Variants in FGF1 observed in about 807,000 individuals in gnomAD.
FGF1 encodes the protein fibroblast growth factor 1.
In FGF1, 9 loss-of-function variants were observed where a neutral mutation model predicts 13.4. That is an observed-to-expected ratio of 0.67 (90% CI 0.40 to 1.17). The LOEUF (loss-of-function observed/expected upper bound fraction) is 1.17, where lower values mean the gene tolerates loss of function less well. Ranked by LOEUF, FGF1 falls within the 50% of genes most tolerant of loss-of-function variation. FGF1 has a pLI of 0.01. For missense variants in FGF1, 156 were observed against 192.7 expected (o/e 0.81, Z 1.13); for synonymous variants, 93 against 79.0 (o/e 1.18, Z -0.94).
intron 1 of FGF1, 30 bp from the exon 2 acceptor site, chr5:142,614,191 G>A (rs550065329): frequency 2.9e-5 from 45 of 1,571,612 alleles, no homozygotes; most frequent in African/African-American, 4.1e-5. Flanking sequence ...CCTGTAGTCG[G>A]TTCTTCCAGC....
chr5:142,595,027 A>C lies in FGF1; in HGVS notation c.*263T>G. On this transcript the variant is annotated 3_prime_UTR_variant, in exon 4 of 4. Transcript: ENST00000337706. ...TGCATGGAGGGACTCAGCCTGCAAG[A>C]GGCAATTGGAGATCCAAACCCAGAC... is the stretch of plus-strand genomic sequence containing the variant. 5.1e-6 allele frequency: 2 copies of C among 389,906 alleles called. No individual in the cohort carries two copies. The highest frequency in any genetic ancestry group is 5.3e-5 in the South Asian group (1 of 18,964). The allele number at this position is 389,906 out of a possible 1,614,324, so 24.2% of individuals were successfully genotyped here. A position where few individuals can be genotyped will look rare whatever the true frequency, so the allele number is the denominator to read the frequency against.
intron 1 of FGF1, among the ~76,000 whole-genome samples, chr5:142,667,536 A>AGATC (rs1289024133): frequency 1.3e-5 from 2 of 148,722 alleles, no homozygotes; most frequent in African/African-American, 4.9e-5. Flanking sequence ...CAGTGAGCTG[A>AGATC]GATCGGGCCA....
chr5:142,691,480 T>C (rs1354413665), intron 2 of FGF1, among the ~76,000 whole-genome samples: 2 of 137,296 alleles, frequency 1.5e-5, no homozygotes, highest in Admixed American at 1.5e-4. Context: ...TAAAATAAAA[T>C]AAATAAAATA....
chr5:142,685,288 G>A (rs772800364), intron 1 of FGF1, among the ~76,000 whole-genome samples: 1 of 152,170 alleles, frequency 6.6e-6, no homozygotes, highest in Admixed American at 6.5e-5. Flanking sequence ...GAAGTAATCC[G>A]AGTGACCATG....
intron 1 of FGF1, among the ~76,000 whole-genome samples, chr5:142,658,544 G>A (rs1285629280): frequency 3.3e-5 from 5 of 152,172 alleles, no homozygotes; most frequent in Admixed American, 2.0e-4. Context: ...AGATACCTTT[G>A]TGAATAAGAG....
chr5:142,649,469 C>T lies in FGF1; in HGVS notation c.-34-35308G>A, dbSNP rs566893872. On this transcript the variant is annotated intron_variant, in intron 1 of 3. Coordinates refer to ENST00000337706, the MANE Select transcript of FGF1 (RefSeq NM_000800.5). ...TCGCCCAGGCTGGAGTGCAGTGGCG[C>T]GATCTCTGCTCACTGCAAGCTCTGC... Among the ~76,000 whole-genome samples, 231 of 151,868 alleles carry T rather than the reference C, an allele frequency of 1.5e-3. 2 individuals are homozygous for T. Among genetic ancestry groups the T allele is most frequent in the Middle Eastern group, 3.4e-3 (1 of 294 alleles).
At chr5:142,679,126 C>T (rs1196989716) in intron 1 of FGF1, among the ~76,000 whole-genome samples, 1 of 152,206 alleles carries the variant, frequency 6.6e-6, no homozygotes, top group East Asian at 1.9e-4. Context: ...CTTTCTAGGG[C>T]TCACAGCTTA....
At chr5:142,630,505 C>G (rs1238388684) in intron 1 of FGF1, among the ~76,000 whole-genome samples, 1 of 152,220 alleles carries the variant, frequency 6.6e-6, no homozygotes, top group Non-Finnish European at 1.5e-5. Context: ...TGGCTACTCC[C>G]TAGCTTAAAA....
At chr5:142,596,034 C>T (rs1393086021) in intron 3 of FGF1, among the ~76,000 whole-genome samples, 9 of 152,330 alleles carry the variant, frequency 5.9e-5, no homozygotes, top group South Asian at 2.1e-4. Context: ...TTTTCACTAA[C>T]GTCAGGATTT....
intron 1 of FGF1, among the ~76,000 whole-genome samples, chr5:142,680,434 A>C (rs1773491698): frequency 6.6e-6 from 1 of 152,184 alleles, no homozygotes; most frequent in Non-Finnish European, 1.5e-5. Flanking sequence ...AGGAGCTAAA[A>C]CTACTCTCAT....
intron 2 of FGF1, among the ~76,000 whole-genome samples, chr5:142,612,385 T>C (rs1232447975): frequency 6.6e-6 from 1 of 152,172 alleles, no homozygotes; most frequent in Non-Finnish European, 1.5e-5. Context: ...GAACATATCA[T>C]GAAGTTTGTC....
chr5:142,647,806 C>T (rs1165427298), intron 1 of FGF1, among the ~76,000 whole-genome samples: 3 of 151,964 alleles, frequency 2.0e-5, no homozygotes, highest in African/African-American at 7.3e-5. Context: ...GGGTTGGGCA[C>T]GGTGGGTGGG....
chr5:142,688,606 T>C (rs771941791), upstream of FGF1, among the ~76,000 whole-genome samples: 39 of 152,224 alleles, frequency 2.6e-4, no homozygotes, highest in Non-Finnish European at 5.4e-4. Flanking sequence ...TACACCACTT[T>C]AAAAGCCATT....
intron 2 of FGF1, among the ~76,000 whole-genome samples, chr5:142,611,490 G>T (rs1673035649): frequency 6.6e-6 from 1 of 152,156 alleles, no homozygotes; most frequent in Non-Finnish European, 1.5e-5. Context: ...TCCCAGGGCT[G>T]GGGGGCTTGA....
At chr5:142,647,978 G>T (rs1766481217) in intron 1 of FGF1, among the ~76,000 whole-genome samples, 1 of 152,134 alleles carries the variant, frequency 6.6e-6, no homozygotes, top group African/African-American at 2.4e-5. Flanking sequence ...CCAGCTACTT[G>T]CGAGGCTGAA....
At chr5:142,674,611 G>A (rs890417079) in intron 1 of FGF1, among the ~76,000 whole-genome samples, 8 of 152,118 alleles carry the variant, frequency 5.3e-5, no homozygotes, top group Non-Finnish European at 1.2e-4. Flanking sequence ...ATGTGGGACC[G>A]GCCAGGAAGC....
chr5:142,603,700 C>T (rs892515757), intron 2 of FGF1, among the ~76,000 whole-genome samples: 1 of 152,158 alleles, frequency 6.6e-6, no homozygotes, highest in Admixed American at 6.5e-5. Flanking sequence ...TGAATTATGT[C>T]TCCAATAACT....
chr5:142,631,862 C>A (rs1001140269), intron 1 of FGF1, among the ~76,000 whole-genome samples: 1 of 142,196 alleles, frequency 7.0e-6, no homozygotes, highest in Admixed American at 7.6e-5. Context: ...CGGCTCACTG[C>A]AAGCTCCGCC....
intron 2 of FGF1, among the ~76,000 whole-genome samples, chr5:142,608,580 AT>A: frequency 1.3e-5 from 1 of 75,746 alleles, no homozygotes; most frequent in Non-Finnish European, 2.5e-5. Context: ...ATATATATAT[AT>A]ATACACACAC....
Sources: allele counts gnomAD v4.1 joint callset (sites outside exome capture counted in the v4.1 genomes callset), GRCh38; gene constraint gnomAD v4.1.1; transcripts MANE v1.5; gene names NCBI Gene and HGNC (gene_info 2026-07-23, HGNC 2026-07-21).